The following SS18L1 variants were observed in gnomAD, a reference collection of about 807,000 sequenced individuals.
SS18L1 encodes SS18L1 subunit of BAF chromatin remodeling complex.
A neutral mutation model predicts 70.3 loss-of-function variants in SS18L1; 32 were observed. The observed-to-expected ratio is 0.46, with a 90% CI of 0.34 to 0.61. The LOEUF is 0.61. Among genes scored for constraint, SS18L1 ranks in the 20% least tolerant of loss-of-function variants. SS18L1 has a pLI of 0.01. For synonymous variants in SS18L1, 237 were observed against 229.7 expected (o/e 1.03, Z -0.29); for missense variants, 430 against 542.1 (o/e 0.79, Z 2.05).
Position 62,174,602 on chromosome 20 carries a change from A to G in SS18L1, c.1122A>G (p.Thr374=), listed in dbSNP as rs112394451. 2.0e-4 allele frequency: 323 copies of G among 1,613,754 alleles called. 3 individuals are homozygous for G. The African/African-American group carries it at 3.1e-3, about 16-fold the overall frequency. ...QQYGSYRAPQ[T]APSAQQQRPY... ...ACGGAAGCTACCGAGCACCGCAGACAGCGCCGTCTGCCCAGCAGCAGCGGC... is the reference window on the plus strand; with the variant it reads ...ACGGAAGCTACCGAGCACCGCAGACGGCGCCGTCTGCCCAGCAGCAGCGGC... Residue 374 remains threonine, a synonymous_variant, in exon 10 of 11, where the codon ACA becomes ACG. Transcript: ENST00000331758. This position sits in a 1 kb window ranked among gnomAD's most constrained non-coding sequence, Gnocchi z 4.1.
At position 62,179,092 on chromosome 20, in the gene SS18L1, C is replaced by T. The variant is rs538561323; in HGVS notation, c.1165-90C>T. On this transcript the variant is annotated intron_variant, in intron 10 of 10. Transcript: ENST00000331758. ...CAGAGGTTGTTTGCTTGCTGTTGTC[C>T]CTCCTACCCCCTGTCCGGGCTGGGG... is the stretch of plus-strand genomic sequence containing the variant. 3.5e-6 allele frequency: 5 copies of T among 1,433,100 alleles called. No individual in the cohort carries two copies. In the South Asian group the frequency reaches 3.5e-5, roughly 10 times the overall value. The allele number at this position is 1,433,100 out of a possible 1,614,324, so 88.8% of individuals were successfully genotyped here.
chr20:62,150,832 C>A (rs113437496), intron 1 of SS18L1, among the ~76,000 whole-genome samples: 3,911 of 150,384 alleles, frequency 0.026, 69 homozygotes, highest in Non-Finnish European at 0.038. Flanking sequence ...TGTGGAGCAG[C>A]GGGAGCGAAA....
In SS18L1 at chr20:62,165,567, A is replaced by G. The variant is rs2057413944; in HGVS notation, c.916+53A>G. ...CGAGCGTAAGCGCCACACGCAGCAGAGTTAAGACGCTGCACCCTTAGGAGC... is the reference window on the plus strand; with the variant it reads ...CGAGCGTAAGCGCCACACGCAGCAGGGTTAAGACGCTGCACCCTTAGGAGC... On this transcript the variant is annotated intron_variant, in intron 8 of 10. Transcript: ENST00000331758. The G allele has an allele frequency of 2.0e-6, 3 of 1,532,802 alleles. No homozygotes were observed. In the Admixed American group the frequency reaches 5.5e-5, roughly 28 times the overall value. 95.0% of individuals were successfully genotyped at this position (1,532,802 alleles called of 1,614,324 possible).
intron 9 of SS18L1, among the ~76,000 whole-genome samples, chr20:62,173,654 G>A (rs899774176): frequency 6.7e-6 from 1 of 149,658 alleles, no homozygotes; most frequent in African/African-American, 2.5e-5. Context: ...GTCGCAGTGA[G>A]CCGAGATCAC....
At chr20:62,170,065 C>T (rs1249597989) in intron 8 of SS18L1, among the ~76,000 whole-genome samples, 2 of 152,158 alleles carry the variant, frequency 1.3e-5, no homozygotes, top group African/African-American at 4.8e-5. Context: ...GAGCGTCGTT[C>T]ACATGTTCCT....
intron 3 of SS18L1, among the ~76,000 whole-genome samples, chr20:62,160,607 A>G (rs938658126): frequency 5.3e-5 from 8 of 152,196 alleles, no homozygotes; most frequent in Admixed American, 4.6e-4. Flanking sequence ...TTAAATTGTC[A>G]CAGTGAAGAC....
In SS18L1 at chr20:62,161,754, G is replaced by A. The variant is rs1441218306; in HGVS notation, c.376+174G>A. 6.6e-6 allele frequency among the ~76,000 whole-genome samples: 1 copy of A among 152,264 alleles called. No homozygotes were observed. The highest frequency in any genetic ancestry group is 2.4e-5 in the African/African-American group (1 of 41,470). On this transcript the variant is annotated intron_variant, in intron 4 of 10. Transcript: ENST00000331758. This position sits in a 1 kb window ranked among gnomAD's most constrained non-coding sequence, Gnocchi z 4.4. ...TCGCCCAGGCTCAGGGCCGCAGCGA[G>A]CGTGCCGTGCGGCTGGGCTGAGCCC...
intron 1 of SS18L1, among the ~76,000 whole-genome samples, chr20:62,156,392 G>A (rs1184954735): frequency 6.6e-6 from 1 of 152,200 alleles, no homozygotes; most frequent in Non-Finnish European, 1.5e-5. Flanking sequence ...CTGGCCCACA[G>A]TGTCCCCTGG....
In SS18L1 at chr20:62,158,998, C is replaced by T. The variant is rs1208379640; in HGVS notation, c.146+250C>T. ...GGAGGCCAGATATGTCCCGAGAGTC[C>T]CCCAGCACGGAGGCCAGATATGTCC... On this transcript the variant is annotated intron_variant, in intron 2 of 10. Transcript: ENST00000331758. This position sits in a 1 kb window ranked among gnomAD's most constrained non-coding sequence, Gnocchi z 4.5. 3 of 1,525,886 alleles carry T rather than the reference C, an allele frequency of 2.0e-6. No homozygotes were observed. Among genetic ancestry groups the T allele is most frequent in the Non-Finnish European group, 2.6e-6 (3 of 1,134,460 alleles). 94.5% of individuals were successfully genotyped at this position (1,525,886 alleles called of 1,614,324 possible). A position where few individuals can be genotyped will look rare whatever the true frequency, so the allele number is the denominator to read the frequency against.
intron 1 of SS18L1, chr20:62,154,270 G>T: frequency 1.0e-6 from 1 of 994,218 alleles, no homozygotes; most frequent in Non-Finnish European, 1.2e-6. Context: ...TGTCTTTGAT[G>T]ACTCTGACAG....
chr20:62,165,577 C>T, intron 8 of SS18L1, 63 bp downstream of exon 8: 1 of 1,501,934 alleles, frequency 6.7e-7, no homozygotes. Flanking sequence ...AGTTAAGACG[C>T]TGCACCCTTA....
intron 1 of SS18L1, chr20:62,154,442 G>A (rs529968688): frequency 4.6e-4 from 475 of 1,036,326 alleles, no homozygotes; most frequent in Non-Finnish European, 5.2e-4. Flanking sequence ...GGATCAGACC[G>A]TAGCCCTTCC....
intron 1 of SS18L1, among the ~76,000 whole-genome samples, chr20:62,152,526 G>T (rs1202453007): frequency 6.6e-6 from 1 of 152,262 alleles, no homozygotes; most frequent in Non-Finnish European, 1.5e-5. Context: ...TTAGGAAAGG[G>T]TGGGGAGAAC....
At chr20:62,160,280 G>A (rs2057300754) in intron 3 of SS18L1, among the ~76,000 whole-genome samples, 1 of 110,062 alleles carries the variant, frequency 9.1e-6, no homozygotes, top group South Asian at 3.4e-4. Flanking sequence ...GGTGGGATGG[G>A]GAGAGGTGGG....
intron 1 of SS18L1, among the ~76,000 whole-genome samples, chr20:62,147,332 G>C (rs559964653): frequency 1.8e-4 from 27 of 152,322 alleles, no homozygotes; most frequent in African/African-American, 6.3e-4. Flanking sequence ...CTGCGGTGGG[G>C]CTGGGCCATG....
rs77109862 is a variant in SS18L1, at chr20:62,148,132, C to G, written c.69+4243C>G. On this transcript the variant is annotated intron_variant, in intron 1 of 10. Transcript: ENST00000331758. The stretch of plus-strand genomic sequence containing the variant: ...CGAGAAGGGGAGCATGGGGGCCTGT[C>G]TTTACATCCGCAGGGATAGGGGGGT... Among the ~76,000 whole-genome samples the G allele has an allele frequency of 8.5e-5, 13 of 152,340 alleles. No homozygotes were observed. The East Asian group carries it at 2.5e-3, about 29-fold the overall frequency.
chr20:62,168,946 A>C (rs1049394181), intron 8 of SS18L1, among the ~76,000 whole-genome samples: 6 of 152,170 alleles, frequency 3.9e-5, no homozygotes, highest in Non-Finnish European at 8.8e-5. Flanking sequence ...GAGGGTGTTC[A>C]TGCGCAGGGC....
At position 62,179,326 on chromosome 20, in the gene SS18L1, C is replaced by T; in HGVS notation, c.*118C>T. 8.7e-7 allele frequency: 1 copy of T among 1,148,778 alleles called. No individual in the cohort carries two copies. Among genetic ancestry groups the T allele is most frequent in the African/African-American group, 1.5e-5 (1 of 66,200 alleles). 71.2% of individuals were successfully genotyped at this position (1,148,778 alleles called of 1,614,324 possible). A position where few individuals can be genotyped will look rare whatever the true frequency, so the allele number is the denominator to read the frequency against. ...GTTACCTGTTCGCCCAGTGCCACGT[C>T]TGCATGTGAAGCGTGCTCATTTCAT... On this transcript the variant is annotated 3_prime_UTR_variant, in exon 11 of 11. Transcript: ENST00000331758.
In SS18L1 at chr20:62,150,267, C is replaced by T. The variant is rs539345885; in HGVS notation, c.69+6378C>T. On this transcript the variant is annotated intron_variant, in intron 1 of 10. Coordinates refer to ENST00000331758, the MANE Select transcript of SS18L1 (RefSeq NM_198935.3). ...CCATCAGTGGAGTCTGTAGTATCGG[C>T]TTGCTGACCTCGGGGGCAGGGACGG... Among the ~76,000 whole-genome samples the T allele has an allele frequency of 2.6e-5, 4 of 152,378 alleles. No homozygotes were observed. The South Asian group carries it at 6.2e-4, about 24-fold the overall frequency.
Sources: gnomAD v4.1 joint callset for allele counts (sites outside exome capture counted in the v4.1 genomes callset) on GRCh38, gnomAD v4.1.1 for gene constraint, Gnocchi (gnomAD v3.1) non-coding constraint, MANE v1.5 for transcripts, NCBI Gene and HGNC (gene_info 2026-07-23, HGNC 2026-07-21) for gene names.